Variants in WASF2 observed in about 807,000 individuals in gnomAD.
WASF2 encodes the protein WASP family member 2.
Under a neutral mutation model 45.0 loss-of-function variants are expected in WASF2, and 14 were observed. The observed-to-expected ratio is 0.31, with a 90% CI of 0.21 to 0.49. WASF2 has a LOEUF of 0.49. Among genes scored for constraint, WASF2 ranks in the 20% least tolerant of loss-of-function variants. The pLI is 0.99. For missense variants in WASF2, 439 were observed against 636.1 expected, an observed-to-expected ratio of 0.69 and a Z score of 3.33; for synonymous variants, 200 against 236.3, an observed-to-expected ratio of 0.85 and a Z score of 1.41.
rs980578792 is a variant in WASF2 at position 27,410,908 on chromosome 1, G to A, written c.825-702C>T. Among the ~76,000 whole-genome samples, 1 of 152,150 alleles carries A rather than the reference G, an allele frequency of 6.6e-6. No individual in the cohort carries two copies. Among genetic ancestry groups the A allele is most frequent in the East Asian group, 1.9e-4 (1 of 5,202 alleles). ...ACCTCTCCTGGGATCAGATTTGCTC[G>A]GCTGCAGCTGCAAGGTCTCAGGCCA... On this transcript the variant is annotated intron_variant, in intron 7 of 8. Coordinates refer to ENST00000618852, the MANE Select transcript of WASF2 (RefSeq NM_006990.5). The surrounding 1 kb of genome is among the most constrained non-coding windows in gnomAD (Gnocchi z 4.2).
chr1:27,454,168 TATATATATATATATATATA>T (rs2017428705), intron 1 of WASF2, among the ~76,000 whole-genome samples: 2 of 21,896 alleles, frequency 9.1e-5, no homozygotes, highest in East Asian at 2.1e-3. Context: ...TATATATATA[TATATATATATATATATATA>T]TTTTTTTTTT....
At chr1:27,485,354 G>T (rs777292768) in intron 1 of WASF2, among the ~76,000 whole-genome samples, 13 of 151,914 alleles carry the variant, frequency 8.6e-5, no homozygotes, top group Non-Finnish European at 1.6e-4. Context: ...AGGCCAAGGC[G>T]GGAAGATCAC....
intron 1 of WASF2, among the ~76,000 whole-genome samples, chr1:27,442,209 C>T (rs1430135167): frequency 6.6e-6 from 1 of 151,966 alleles, no homozygotes; most frequent in Non-Finnish European, 1.5e-5. Flanking sequence ...TATGCTGGAT[C>T]CCATAAACAT....
At chr1:27,411,895 T>C (rs1035696111) in intron 7 of WASF2, among the ~76,000 whole-genome samples, 2 of 152,090 alleles carry the variant, frequency 1.3e-5, no homozygotes, top group Non-Finnish European at 2.9e-5. Flanking sequence ...AAAATAAAGT[T>C]AAGGAAAAAA....
At chr1:27,458,478 C>T (rs1412537384) in intron 1 of WASF2, among the ~76,000 whole-genome samples, 1 of 151,720 alleles carries the variant, frequency 6.6e-6, no homozygotes, top group African/African-American at 2.4e-5. Flanking sequence ...TGTAGTTTTC[C>T]TCAAAAATAA....
chr1:27,452,071 T>C (rs1181971008), intron 1 of WASF2, among the ~76,000 whole-genome samples: 1 of 152,232 alleles, frequency 6.6e-6, no homozygotes, highest in Non-Finnish European at 1.5e-5. Flanking sequence ...GAGACCACTG[T>C]ATTTAATTTC....
chr1:27,487,063 A>G (rs1265730898), intron 1 of WASF2, among the ~76,000 whole-genome samples: 2 of 147,334 alleles, frequency 1.4e-5, no homozygotes, highest in East Asian at 3.9e-4. Context: ...TATATAACAT[A>G]TATATAAAAT....
rs554755583 is a variant in WASF2 at position 27,411,887 on chromosome 1, A to C, written c.824+685T>G. ...CAAAAATAAATAAATAAGTAAATAA[A>C]ATAAAGTTAAGGAAAAAACAAGAAA... On this transcript the variant is annotated intron_variant, in intron 7 of 8. Coordinates refer to ENST00000618852, the MANE Select transcript of WASF2 (RefSeq NM_006990.5). 2.7e-3 allele frequency among the ~76,000 whole-genome samples: 406 copies of C among 152,324 alleles called. 2 individuals are homozygous for C. Among genetic ancestry groups the C allele is most frequent in the African/African-American group, 9.4e-3 (390 of 41,562 alleles).
intron 4 of WASF2, 53 bp downstream of exon 4, chr1:27,418,216 T>C: frequency 6.4e-7 from 1 of 1,551,748 alleles, no homozygotes; most frequent in Non-Finnish European, 8.7e-7. Flanking sequence ...CAAAAAAAAA[T>C]CTAGCGTTAT....
intron 1 of WASF2, among the ~76,000 whole-genome samples, chr1:27,437,671 A>T (rs1347322788): frequency 6.6e-6 from 1 of 152,222 alleles, no homozygotes; most frequent in Admixed American, 6.5e-5. Flanking sequence ...CCAAAATTGT[A>T]TGGTTTGAAA....
rs530491543 is a variant in WASF2 at position 27,411,503 on chromosome 1, T to C, written c.824+1069A>G. 2.0e-5 allele frequency among the ~76,000 whole-genome samples: 3 copies of C among 152,326 alleles called. No individual in the cohort carries two copies. The South Asian group carries it at 6.2e-4, about 32-fold the overall frequency. ...ACTCTATGCTAGGTTCCTAGACAACTGGGCAAGGTAACTGCTAACTATATC... is the reference window on the plus strand; with the variant it reads ...ACTCTATGCTAGGTTCCTAGACAACCGGGCAAGGTAACTGCTAACTATATC... On this transcript the variant is annotated intron_variant, in intron 7 of 8. Coordinates refer to ENST00000618852, the MANE Select transcript of WASF2 (RefSeq NM_006990.5).
chr1:27,466,174 G>A (rs185751759), intron 1 of WASF2, among the ~76,000 whole-genome samples: 4 of 152,250 alleles, frequency 2.6e-5, no homozygotes, highest in Non-Finnish European at 4.4e-5. Context: ...TGCCTTCCTT[G>A]TACATATCAA....
chr1:27,420,192 C>T (rs562171752), intron 2 of WASF2, among the ~76,000 whole-genome samples: 1 of 152,196 alleles, frequency 6.6e-6, no homozygotes, highest in South Asian at 2.1e-4. Flanking sequence ...GGTGTTCTAG[C>T]CACCATGCCC....
At chr1:27,486,651 T>G (rs2017929932) in intron 1 of WASF2, among the ~76,000 whole-genome samples, 1 of 152,040 alleles carries the variant, frequency 6.6e-6, no homozygotes, top group South Asian at 2.1e-4. Flanking sequence ...CAGCTGGGCG[T>G]GGTGGCTCAC....
chr1:27,419,044 T>C lies in WASF2; in HGVS notation c.175A>G (p.Asn59Asp), dbSNP rs1279628809. Reference sequence around the variant, plus strand: ...GAGCTTACCCGAGAGGCAAAGGTATTTGCCTGAGTAAAGAGCTCTCCAAAA... The same window carrying C: ...GAGCTTACCCGAGAGGCAAAGGTATCTGCCTGAGTAAAGAGCTCTCCAAAA... ...DIFGELFTQA[N>D]TFASRVSSLA... Residue 59 changes from asparagine to aspartate, a missense_variant, in exon 3 of 9, where the codon AAT becomes GAT. This residue lies in a region of WASF2 where 98 missense variants were observed against 120.7 expected (regional missense o/e 0.81). Transcript: ENST00000618852. 6.2e-7 allele frequency: 1 copy of C among 1,613,942 alleles called. No homozygotes were observed. The highest frequency in any genetic ancestry group is 1.3e-5 in the African/African-American group (1 of 74,868).
In WASF2 at chr1:27,469,797, C is replaced by G. The variant is rs1396509945; in HGVS notation, c.-44+20189G>C. 2.0e-5 allele frequency among the ~76,000 whole-genome samples: 3 copies of G among 152,028 alleles called. No individual in the cohort carries two copies. In the East Asian group the frequency reaches 5.8e-4, roughly 29 times the overall value. ...TCTCTACTAAAAATACAAAAATTAGCCAGGTGTGGTGGTGTGCACCTGTAG... is the reference window on the plus strand; with the variant it reads ...TCTCTACTAAAAATACAAAAATTAGGCAGGTGTGGTGGTGTGCACCTGTAG... On this transcript the variant is annotated intron_variant, in intron 1 of 8. Coordinates refer to ENST00000618852, the MANE Select transcript of WASF2 (RefSeq NM_006990.5).
rs778590045 is a variant in WASF2 at position 27,414,797 on chromosome 1, A to C, written c.668+36T>G. 9.9e-6 allele frequency: 16 copies of C among 1,608,804 alleles called. No individual in the cohort carries two copies. Among genetic ancestry groups the C allele is most frequent in the Middle Eastern group, 1.7e-4 (1 of 6,028 alleles). ...TCAGACTGTTGTCCCCAGCCCCTTCAAAGAATGCTACCAACAGTACAAAGG... is the reference window on the plus strand; with the variant it reads ...TCAGACTGTTGTCCCCAGCCCCTTCCAAGAATGCTACCAACAGTACAAAGG... On this transcript the variant is annotated intron_variant, in intron 6 of 8. Transcript: ENST00000618852. This position sits in a 1 kb window ranked among gnomAD's most constrained non-coding sequence, Gnocchi z 4.1.
At chr1:27,485,178 CT>C (rs2017906916) in intron 1 of WASF2, among the ~76,000 whole-genome samples, 1 of 151,940 alleles carries the variant, frequency 6.6e-6, no homozygotes, top group African/African-American at 2.4e-5. Context: ...AAACATGAAT[CT>C]ACAGATCTGC....
intron 1 of WASF2, among the ~76,000 whole-genome samples, chr1:27,447,374 G>A (rs1306211426): frequency 6.6e-6 from 1 of 152,134 alleles, no homozygotes; most frequent in Non-Finnish European, 1.5e-5. Flanking sequence ...GGATTTCAAT[G>A]AAATAGATTT....
Sources: allele counts gnomAD v4.1 joint callset (sites outside exome capture counted in the v4.1 genomes callset), GRCh38; gene constraint gnomAD v4.1.1; regional missense constraint gnomAD v4.1.1; non-coding constraint Gnocchi (gnomAD v3.1); transcripts MANE v1.5; gene names NCBI Gene and HGNC (gene_info 2026-07-23, HGNC 2026-07-21).